Variants in SLCO4C1 observed in about 807,000 individuals in gnomAD.
SLCO4C1 encodes solute carrier organic anion transporter family member 4C1.
A neutral mutation model predicts 72.1 loss-of-function variants in SLCO4C1; 58 were observed. The observed-to-expected ratio is 0.80, with a 90% CI of 0.65 to 1.00. The LOEUF (loss-of-function observed/expected upper bound fraction) is 1.00. Ranked by LOEUF, SLCO4C1 falls within the 50% of genes least tolerant of loss-of-function variation. The pLI is 0.00. For missense variants in SLCO4C1, 898 were observed against 857.9 expected, an observed-to-expected ratio of 1.05 and a Z score of -0.58; for synonymous variants, 297 against 312.5, an observed-to-expected ratio of 0.95 and a Z score of 0.52.
chr5:102,256,664 A>G (rs944229353), intron 8 of SLCO4C1, among the ~76,000 whole-genome samples: 2 of 152,256 alleles, frequency 1.3e-5, no homozygotes, highest in African/African-American at 4.8e-5. Flanking sequence ...AGTAGATACA[A>G]TAATGGTAAG....
intron 11 of SLCO4C1, 122 bp from the exon 12 acceptor site, chr5:102,239,510 G>A (rs1561364050): frequency 1.6e-6 from 1 of 608,182 alleles, no homozygotes; most frequent in African/African-American, 1.9e-5. Flanking sequence ...CTGTCCACAT[G>A]CAAATTAATT....
chr5:102,287,530 ACTT>A (rs1235315808), intron 2 of SLCO4C1, among the ~76,000 whole-genome samples: 1 of 132,532 alleles, frequency 7.5e-6, no homozygotes, highest in East Asian at 2.2e-4. Context: ...AGGTTTTTTC[ACTT>A]CTTTTTTTTT....
chr5:102,259,053 T>C (rs575798002), intron 6 of SLCO4C1, among the ~76,000 whole-genome samples: 48 of 152,040 alleles, frequency 3.2e-4, no homozygotes, highest in Non-Finnish European at 6.2e-4. Flanking sequence ...TAAGTCAGAA[T>C]CGCACTAACA....
intron 10 of SLCO4C1, among the ~76,000 whole-genome samples, chr5:102,246,506 A>C (rs1049038011): frequency 5.9e-5 from 9 of 152,160 alleles, no homozygotes; most frequent in Non-Finnish European, 1.0e-4. Flanking sequence ...AGCTGTAAGG[A>C]AATGTCTCCC....
At chr5:102,290,733 C>T (rs1047402953) in intron 2 of SLCO4C1, among the ~76,000 whole-genome samples, 2 of 152,066 alleles carry the variant, frequency 1.3e-5, no homozygotes, top group Non-Finnish European at 2.9e-5. Flanking sequence ...ATTTGTCCAC[C>T]GTTCTGGCTC....
At chr5:102,256,162 C>A (rs886283476) in intron 8 of SLCO4C1, among the ~76,000 whole-genome samples, 1 of 152,106 alleles carries the variant, frequency 6.6e-6, no homozygotes, top group Non-Finnish European at 1.5e-5. Flanking sequence ...CAAGACTGTG[C>A]CACTGCACTC....
At chr5:102,249,922 T>A (rs758314178) in intron 8 of SLCO4C1, 134 bp from the exon 9 acceptor site, 125 of 874,250 alleles carry the variant, frequency 1.4e-4, no homozygotes, top group Middle Eastern at 1.2e-3. Flanking sequence ...AAATAAAACG[T>A]CTTCCTTTGC....
At chr5:102,265,662 G>A (rs1018168428) in intron 3 of SLCO4C1, among the ~76,000 whole-genome samples, 1 of 152,012 alleles carries the variant, frequency 6.6e-6, no homozygotes, top group Admixed American at 6.6e-5. Flanking sequence ...CTGTTCCATT[G>A]GTCAATGTGT....
intron 3 of SLCO4C1, among the ~76,000 whole-genome samples, chr5:102,267,909 C>A (rs1366843809): frequency 6.6e-6 from 1 of 151,874 alleles, no homozygotes; most frequent in African/African-American, 2.4e-5. Flanking sequence ...TCCAGAAGTT[C>A]CTCATTATTG....
At chr5:102,245,709 A>G (rs1169755403) in intron 10 of SLCO4C1, among the ~76,000 whole-genome samples, 1 of 152,194 alleles carries the variant, frequency 6.6e-6, no homozygotes, top group African/African-American at 2.4e-5. Flanking sequence ...AGATATTTAC[A>G]GAACATTGCA....
At chr5:102,279,194 A>G (rs1749308569) in intron 2 of SLCO4C1, among the ~76,000 whole-genome samples, 1 of 151,952 alleles carries the variant, frequency 6.6e-6, no homozygotes, top group South Asian at 2.1e-4. Flanking sequence ...ATAATAAATA[A>G]ATACTAGGAA....
intron 2 of SLCO4C1, among the ~76,000 whole-genome samples, chr5:102,271,876 T>C (rs1490206404): frequency 1.3e-5 from 2 of 152,082 alleles, no homozygotes; most frequent in Non-Finnish European, 2.9e-5. Context: ...GCTATGTCTA[T>C]GTAATATGTG....
At chr5:102,268,730 T>C (rs541133564) in intron 3 of SLCO4C1, among the ~76,000 whole-genome samples, 24 of 152,292 alleles carry the variant, frequency 1.6e-4, no homozygotes, top group Non-Finnish European at 2.2e-4. Flanking sequence ...TTTTCTTAAG[T>C]ATCTTCTCTG....
chr5:102,285,423 T>A (rs1196975768), intron 2 of SLCO4C1, among the ~76,000 whole-genome samples: 1 of 152,158 alleles, frequency 6.6e-6, no homozygotes, highest in Non-Finnish European at 1.5e-5. Flanking sequence ...TATCTGGGAT[T>A]ACAGGTGCCT....
In SLCO4C1 at chr5:102,236,270, T is replaced by C. The variant is rs761020136; in HGVS notation, c.*588A>G. The C allele has an allele frequency of 6.6e-6, 1 of 152,388 alleles. No homozygotes were observed. The highest frequency in any genetic ancestry group is 6.5e-5 in the Admixed American group (1 of 15,274). The allele number at this position is 152,388 out of a possible 1,614,324, so 9.4% of individuals were successfully genotyped here. ...TATTCTAATAGTTCAATAATTTGCT[T>C]GGAGAAAGGCCAGGCTAGTATACAT... On this transcript the variant is annotated 3_prime_UTR_variant, in exon 13 of 13. Coordinates refer to ENST00000310954, the MANE Select transcript of SLCO4C1 (RefSeq NM_180991.5).
intron 3 of SLCO4C1, among the ~76,000 whole-genome samples, chr5:102,266,508 G>T (rs573357507): frequency 2.6e-5 from 4 of 152,106 alleles, no homozygotes; most frequent in African/African-American, 9.7e-5. Context: ...AAATTAGCCA[G>T]GTGTGGTGGC....
At chr5:102,273,532 G>T (rs1749191211) in intron 2 of SLCO4C1, among the ~76,000 whole-genome samples, 1 of 152,128 alleles carries the variant, frequency 6.6e-6, no homozygotes, top group Admixed American at 6.6e-5. Flanking sequence ...ATCCCATAGA[G>T]GCAGTAAAGG....
At chr5:102,294,908 T>C (rs1014340804) in intron 1 of SLCO4C1, among the ~76,000 whole-genome samples, 1 of 152,208 alleles carries the variant, frequency 6.6e-6, no homozygotes, top group Non-Finnish European at 1.5e-5. Context: ...ATTTCTAAGG[T>C]TGTATTTCTT....
At chr5:102,272,837 C>T (rs1406024462) in intron 2 of SLCO4C1, among the ~76,000 whole-genome samples, 1 of 152,016 alleles carries the variant, frequency 6.6e-6, no homozygotes, top group Non-Finnish European at 1.5e-5. Flanking sequence ...CCCCTGTAGT[C>T]CCAGCTACTC....
Sources: allele counts gnomAD v4.1 joint callset (sites outside exome capture counted in the v4.1 genomes callset), GRCh38; gene constraint gnomAD v4.1.1; transcripts MANE v1.5; gene names NCBI Gene and HGNC (gene_info 2026-07-23, HGNC 2026-07-21).